The following RBFOX1 variants were observed in gnomAD, a reference collection of about 807,000 sequenced individuals.
RBFOX1 encodes the protein RNA binding fox-1 homolog 1, also known as RNA binding protein fox-1 homolog 1.
Under a neutral mutation model 57.7 loss-of-function variants are expected in RBFOX1, and 8 were observed. That is an observed-to-expected ratio of 0.14 (90% CI 0.08 to 0.25). The LOEUF (loss-of-function observed/expected upper bound fraction) is 0.25. Ranked by LOEUF, RBFOX1 falls within the 10% of genes least tolerant of loss-of-function variation. The pLI is 1.00. For synonymous variants in RBFOX1, 326 were observed against 222.4 expected, an observed-to-expected ratio of 1.47 and a Z score of -4.15; for missense variants, 611 against 548.5, an observed-to-expected ratio of 1.11 and a Z score of -1.14.
intron 5 of RBFOX1, among the ~76,000 whole-genome samples, chr16:7,562,901 A>C (rs1211852055): frequency 6.6e-6 from 1 of 152,174 alleles, no homozygotes; most frequent in Non-Finnish European, 1.5e-5. Flanking sequence ...TGATTTTGGA[A>C]GCTTTAAAGT....
chr16:7,128,252 C>G (rs147589887), intron 4 of RBFOX1, among the ~76,000 whole-genome samples: 27 of 152,308 alleles, frequency 1.8e-4, no homozygotes, highest in African/African-American at 5.1e-4. Context: ...TGTATATGAA[C>G]TCTGTTATTT....
At chr16:6,108,977 A>C (rs2096413753) in intron 1 of RBFOX1, among the ~76,000 whole-genome samples, 1 of 152,118 alleles carries the variant, frequency 6.6e-6, no homozygotes, top group African/African-American at 2.4e-5. Context: ...CTTTTCTCTC[A>C]CAAGTTAACA....
intron 10 of RBFOX1, among the ~76,000 whole-genome samples, chr16:7,610,118 C>CCTTTTTTTTTTTTTTTTT (rs71394327): frequency 1.5e-5 from 1 of 65,622 alleles, no homozygotes; most frequent in Non-Finnish European, 2.5e-5. Context: ...GCCCGGCCCC[C>CCTTTTTTTTTTTTTTTTT]TTTTTTTTTT....
intron 1 of RBFOX1, among the ~76,000 whole-genome samples, chr16:6,263,583 A>G (rs1598947324): frequency 6.6e-6 from 1 of 152,176 alleles, no homozygotes; most frequent in South Asian, 2.1e-4. Flanking sequence ...GCCCAATTCA[A>G]CAAGAACTAG....
chr16:6,289,142 G>C (rs2077196341), intron 1 of RBFOX1, among the ~76,000 whole-genome samples: 2 of 152,322 alleles, frequency 1.3e-5, no homozygotes, highest in African/African-American at 4.8e-5. Flanking sequence ...TCTGTTTAGT[G>C]ATGGGGATGA....
intron 4 of RBFOX1, among the ~76,000 whole-genome samples, chr16:5,993,811 G>C (rs147106561): frequency 3.3e-4 from 50 of 152,276 alleles, no homozygotes; most frequent in African/African-American, 1.2e-3. Flanking sequence ...TGGCCGAATG[G>C]TTCGTTTAAG....
At chr16:6,833,520 G>A (rs2092862876) in intron 3 of RBFOX1, among the ~76,000 whole-genome samples, 1 of 152,064 alleles carries the variant, frequency 6.6e-6, no homozygotes, top group South Asian at 2.1e-4. Flanking sequence ...TGACTTCCCA[G>A]ACTGGAATGC....
chr16:6,095,658 T>A (rs971597411), intron 1 of RBFOX1, among the ~76,000 whole-genome samples: 3 of 152,024 alleles, frequency 2.0e-5, no homozygotes, highest in African/African-American at 7.3e-5. Context: ...CGTGCTTTTT[T>A]ACCTCTGATT....
Position 6,583,991 on chromosome 16 carries a change from CA to C in RBFOX1, c.-63-70610del, listed in dbSNP as rs1161142604. Among the ~76,000 whole-genome samples the C allele has an allele frequency of 2.2e-5, 3 of 135,106 alleles. No homozygotes were observed. In the Admixed American group the frequency reaches 2.5e-4, roughly 11 times the overall value. 88.6% of individuals were successfully genotyped at this position (135,106 alleles called of 152,430 possible). On this transcript the variant is annotated intron_variant, in intron 2 of 15. Coordinates refer to ENST00000550418, the MANE Select transcript of RBFOX1 (RefSeq NM_018723.4). ...AAAAACAAATAAACAATAACAACGA[CA>C]ACAACATTTAAAAAAAAAAAAGAAA...
In RBFOX1 at chr16:7,048,895, A is replaced by G. The variant is rs556060707; in HGVS notation, c.-15-3162A>G. On this transcript the variant is annotated intron_variant, in intron 3 of 15. Transcript: ENST00000550418. ...TTTAATAAGCAATCAATCTTGTTGC[A>G]TTCAGGCTGAAAGCTCTTGCTTTTC... Among the ~76,000 whole-genome samples, 42 of 152,310 alleles carry G rather than the reference A, an allele frequency of 2.8e-4. 2 individuals carry two copies. The South Asian group carries it at 8.5e-3, about 31-fold the overall frequency.
chr16:6,707,482 T>TTTTTG (rs1555714711), intron 3 of RBFOX1, among the ~76,000 whole-genome samples: 4 of 151,046 alleles, frequency 2.6e-5, no homozygotes, highest in African/African-American at 9.7e-5. Context: ...ATTTTTGTTT[T>TTTTTG]TTTTTTTTTT....
intron 4 of RBFOX1, among the ~76,000 whole-genome samples, chr16:7,193,300 C>G (rs890375464): frequency 6.6e-6 from 1 of 152,166 alleles, no homozygotes; most frequent in Non-Finnish European, 1.5e-5. Flanking sequence ...AAGCAGCAGG[C>G]TGCCGCTAGA....
chr16:7,210,234 T>C (rs1040353397), intron 4 of RBFOX1, among the ~76,000 whole-genome samples: 5 of 152,174 alleles, frequency 3.3e-5, no homozygotes, highest in Non-Finnish European at 7.3e-5. Flanking sequence ...AGAGATTTAT[T>C]GCAAGGGAGT....
intron 3 of RBFOX1, among the ~76,000 whole-genome samples, chr16:5,851,955 A>C (rs2056907606): frequency 6.6e-6 from 1 of 152,140 alleles, no homozygotes; most frequent in Non-Finnish European, 1.5e-5. Flanking sequence ...TAAAAGCTCC[A>C]GCCCACCACT....
At chr16:7,694,882 G>C (rs139725958) in intron 14 of RBFOX1, among the ~76,000 whole-genome samples, 82 of 152,276 alleles carry the variant, frequency 5.4e-4, no homozygotes, top group African/African-American at 1.7e-3. Flanking sequence ...CAGTGCACTA[G>C]AGCTTCTGCC....
chr16:6,516,071 G>T (rs187991854), intron 2 of RBFOX1, among the ~76,000 whole-genome samples: 1 of 151,948 alleles, frequency 6.6e-6, no homozygotes, highest in African/African-American at 2.4e-5. Context: ...CTCCAATCCC[G>T]GAGCTGGAGT....
At chr16:7,245,935 T>C (rs1422832524) in intron 4 of RBFOX1, among the ~76,000 whole-genome samples, 1 of 152,198 alleles carries the variant, frequency 6.6e-6, no homozygotes, top group Non-Finnish European at 1.5e-5. Context: ...CTTGAAACAG[T>C]TCAACAAACA....
intron 2 of RBFOX1, among the ~76,000 whole-genome samples, chr16:6,596,988 C>T (rs141503939): frequency 3.9e-5 from 6 of 152,256 alleles, no homozygotes; most frequent in African/African-American, 1.2e-4. Context: ...AATGAGCTCT[C>T]GAGAGGGGAA....
At chr16:5,871,865 G>A (rs1434967029) in intron 4 of RBFOX1, among the ~76,000 whole-genome samples, 1 of 152,160 alleles carries the variant, frequency 6.6e-6, no homozygotes, top group African/African-American at 2.4e-5. Flanking sequence ...TTTATTTCAT[G>A]GCAAAGCAAT....
Sources: gnomAD v4.1 joint callset for allele counts (sites outside exome capture counted in the v4.1 genomes callset) on GRCh38, gnomAD v4.1.1 for gene constraint, MANE v1.5 for transcripts, NCBI Gene and HGNC (gene_info 2026-07-23, HGNC 2026-07-21) for gene names.